Variants in CHSY3 observed in about 807,000 individuals in gnomAD.
CHSY3 encodes N-acetylgalactosaminyl-proteoglycan 3-beta-glucuronosyltransferase 3.
A neutral mutation model predicts 67.2 loss-of-function variants in CHSY3; 35 were observed. That is an observed-to-expected ratio of 0.52 (90% CI 0.40 to 0.69). The LOEUF (loss-of-function observed/expected upper bound fraction) is 0.69. CHSY3 is among the 30% of genes least tolerant of loss of function. The probability of loss-of-function intolerance (pLI) is 0.00; values close to 1 mark genes in which losing one functional copy is unlikely to be tolerated. For synonymous variants in CHSY3, 474 were observed against 434.7 expected (o/e 1.09, Z -1.12); for missense variants, 1,069 against 1,138.5 (o/e 0.94, Z 0.88).
chr5:130,167,162 A>G (rs1460234591), intron 2 of CHSY3, among the ~76,000 whole-genome samples: 1 of 152,016 alleles, frequency 6.6e-6, no homozygotes, highest in Admixed American at 6.6e-5. Flanking sequence ...TTTTATATAC[A>G]TACACAAAGC....
At chr5:129,983,569 C>T (rs773413746) in intron 2 of CHSY3, among the ~76,000 whole-genome samples, 3 of 151,958 alleles carry the variant, frequency 2.0e-5, no homozygotes, top group Non-Finnish European at 4.4e-5. Context: ...TTTCATTCTT[C>T]TCTGATATGG....
intron 2 of CHSY3, among the ~76,000 whole-genome samples, chr5:130,153,469 C>T (rs1265388516): frequency 2.6e-5 from 4 of 152,186 alleles, no homozygotes; most frequent in Admixed American, 6.5e-5. Context: ...TAAATACCTT[C>T]TCCTATTACC....
At chr5:129,952,779 G>A (rs1027775144) in intron 2 of CHSY3, among the ~76,000 whole-genome samples, 1 of 152,190 alleles carries the variant, frequency 6.6e-6, no homozygotes, top group African/African-American at 2.4e-5. Context: ...GCTGAGACAG[G>A]AAGAGAGGAA....
At chr5:130,015,233 A>G (rs1453422108) in intron 2 of CHSY3, among the ~76,000 whole-genome samples, 2 of 152,082 alleles carry the variant, frequency 1.3e-5, no homozygotes, top group Admixed American at 6.5e-5. Flanking sequence ...ACCTTTTGCC[A>G]TGACTAAAAG....
chr5:129,935,912 C>T lies in CHSY3; in HGVS notation c.1086+27552C>T, dbSNP rs192450951. On this transcript the variant is annotated intron_variant, in intron 2 of 2. Coordinates refer to ENST00000305031, the MANE Select transcript of CHSY3 (RefSeq NM_175856.5). ...CAAATTTCTGCAGAGGAGTTTTGGA[C>T]GAGACAGATCTGGGAACTACACTGA... 2.4e-4 allele frequency among the ~76,000 whole-genome samples: 37 copies of T among 152,072 alleles called. No individual in the cohort carries two copies. The East Asian group carries it at 6.0e-3, about 25-fold the overall frequency.
Position 130,185,235 on chromosome 5 carries a change from G to C in CHSY3, c.2093G>C (p.Gly698Ala). The C allele has an allele frequency of 6.2e-7, 1 of 1,605,884 alleles. No homozygotes were observed. Among genetic ancestry groups the C allele is most frequent in the Non-Finnish European group, 8.5e-7 (1 of 1,172,578 alleles). ...LIPMKGEFSRGLGLEMASAQF... is the reference protein window; with the variant it reads ...LIPMKGEFSRALGLEMASAQF... ...CCAATGAAGGGAGAGTTTTCCAGAG[G>C]TCTTGGTCTTGAAATGGCTTCTGCC... is the stretch of plus-strand genomic sequence containing the variant. Residue 698 changes from glycine to alanine, a missense_variant, in exon 3 of 3, where the codon GGT becomes GCT. This residue lies in a region of CHSY3 where 401 missense variants were observed against 395.2 expected (regional missense o/e 1.01). Coordinates refer to ENST00000305031, the MANE Select transcript of CHSY3 (RefSeq NM_175856.5).
At chr5:130,128,759 G>A (rs756795886) in intron 2 of CHSY3, among the ~76,000 whole-genome samples, 6 of 152,032 alleles carry the variant, frequency 3.9e-5, no homozygotes, top group Non-Finnish European at 7.4e-5. Flanking sequence ...GGTGGGGATG[G>A]TTTAACAGGT....
chr5:130,072,607 T>G (rs1766111959), intron 2 of CHSY3, among the ~76,000 whole-genome samples: 1 of 152,144 alleles, frequency 6.6e-6, no homozygotes. Context: ...TGCCTCCAGC[T>G]TTGTTATTTT....
rs761490075 is a variant in CHSY3, at chr5:130,184,599, G to A, written c.1457G>A (p.Ser486Asn). 6 of 1,611,956 alleles carry A rather than the reference G, an allele frequency of 3.7e-6. No homozygotes were observed. The highest frequency in any genetic ancestry group is 5.1e-6 in the Non-Finnish European group (6 of 1,178,102). The part of the protein sequence containing the change: ...SAAENQPPRQ[S>N]LSSILRTALD... ...GCTGAGAACCAGCCCCCTCGACAGA[G>A]CCTCAGTAGCATTTTAAGAACAGCA... is the stretch of plus-strand genomic sequence containing the variant. Residue 486 changes from serine (S) to asparagine (N), a missense_variant, in exon 3 of 3, where the codon AGC becomes AAC. Ser to Asn is a conservative substitution (Grantham distance 46). This residue lies in a region of CHSY3 where 401 missense variants were observed against 395.2 expected (regional missense o/e 1.01). Coordinates refer to ENST00000305031, the MANE Select transcript of CHSY3 (RefSeq NM_175856.5).
intron 2 of CHSY3, among the ~76,000 whole-genome samples, chr5:129,955,320 C>T (rs1267510864): frequency 6.6e-5 from 10 of 152,090 alleles, no homozygotes; most frequent in Non-Finnish European, 1.5e-5. Flanking sequence ...AAGTTTGGGT[C>T]TGTTGTTCCA....
intron 2 of CHSY3, among the ~76,000 whole-genome samples, chr5:130,183,353 T>A (rs993214624): frequency 6.6e-6 from 1 of 152,182 alleles, no homozygotes; most frequent in Non-Finnish European, 1.5e-5. Flanking sequence ...TATGATACTT[T>A]ACATCAGGAG....
At chr5:130,172,291 T>G (rs1250486145) in intron 2 of CHSY3, among the ~76,000 whole-genome samples, 1 of 149,682 alleles carries the variant, frequency 6.7e-6, no homozygotes, top group Non-Finnish European at 1.5e-5. Context: ...GAATAGTTTA[T>G]TATTTAACTC....
intron 2 of CHSY3, among the ~76,000 whole-genome samples, chr5:130,044,898 C>T (rs1765101090): frequency 6.6e-6 from 1 of 152,098 alleles, no homozygotes; most frequent in Non-Finnish European, 1.5e-5. Flanking sequence ...CTTCAAGGAT[C>T]TTCAATGAAT....
intron 2 of CHSY3, among the ~76,000 whole-genome samples, chr5:129,947,071 T>C (rs1761877196): frequency 6.6e-6 from 1 of 152,190 alleles, no homozygotes; most frequent in Non-Finnish European, 1.5e-5. Context: ...AGAGGTTTAA[T>C]TGACTCACAT....
intron 2 of CHSY3, among the ~76,000 whole-genome samples, chr5:129,985,802 G>A (rs1763182623): frequency 6.6e-6 from 1 of 151,968 alleles, no homozygotes; most frequent in African/African-American, 2.4e-5. Context: ...TGGGATTGTG[G>A]TCTTGATTTG....
intron 2 of CHSY3, among the ~76,000 whole-genome samples, chr5:129,918,908 C>T (rs1305114399): frequency 2.7e-5 from 4 of 147,224 alleles, no homozygotes; most frequent in Admixed American, 2.7e-4. Context: ...GAGATCGAGA[C>T]CATCCTGGCT....
chr5:130,112,241 C>T (rs1767613201), intron 2 of CHSY3, among the ~76,000 whole-genome samples: 1 of 152,074 alleles, frequency 6.6e-6, no homozygotes, highest in African/African-American at 2.4e-5. Context: ...AATAGCACAC[C>T]TTGCTACTTC....
At chr5:130,175,712 A>T (rs1389031150) in intron 2 of CHSY3, among the ~76,000 whole-genome samples, 1 of 151,820 alleles carries the variant, frequency 6.6e-6, no homozygotes, top group African/African-American at 2.4e-5. Context: ...CACATCTACA[A>T]CCATCTGATC....
Position 130,120,185 on chromosome 5 carries a change from A to G in CHSY3, c.1087-64044A>G, listed in dbSNP as rs145273446. 3.8e-3 allele frequency among the ~76,000 whole-genome samples: 578 copies of G among 152,264 alleles called. 2 individuals carry two copies. The highest frequency in any genetic ancestry group is 5.8e-3 in the Admixed American group (89 of 15,284). On this transcript the variant is annotated intron_variant, in intron 2 of 2. Coordinates refer to ENST00000305031, the MANE Select transcript of CHSY3 (RefSeq NM_175856.5). Reference sequence around the variant, plus strand: ...CACCCACCTGCCCATTTATAGGGAGAGTCTTCCAGCCTTGCTGCTTGGGGT... The same window carrying G: ...CACCCACCTGCCCATTTATAGGGAGGGTCTTCCAGCCTTGCTGCTTGGGGT...
Sources: gnomAD v4.1 joint callset for allele counts (sites outside exome capture counted in the v4.1 genomes callset) on GRCh38, gnomAD v4.1.1 for gene constraint, gnomAD v4.1.1 regional missense constraint, MANE v1.5 for transcripts, NCBI Gene and HGNC (gene_info 2026-07-23, HGNC 2026-07-21) for gene names.